Variants in CPLANE1 observed in about 807,000 individuals in gnomAD.
CPLANE1 encodes ciliogenesis and planar polarity effector 1.
Under a neutral mutation model 362.5 loss-of-function variants are expected in CPLANE1, and 263 were observed. That is an observed-to-expected ratio of 0.73 (90% CI 0.66 to 0.80). CPLANE1 has a LOEUF of 0.80. Among genes scored for constraint, CPLANE1 ranks in the 30% least tolerant of loss-of-function variants. The pLI is 0.00. For missense variants in CPLANE1, 3,461 were observed against 3,793.4 expected, an observed-to-expected ratio of 0.91 and a Z score of 2.30; for synonymous variants, 1,212 against 1,302.6, an observed-to-expected ratio of 0.93 and a Z score of 1.50.
the CPLANE1 span, among the ~76,000 whole-genome samples, chr5:37,087,604 C>A: frequency 1.3e-5 from 2 of 152,236 alleles, no homozygotes; most frequent in Admixed American, 1.3e-4. Flanking sequence ...CTACAGGCGC[C>A]CACCACCACG....
the CPLANE1 span, among the ~76,000 whole-genome samples, chr5:37,098,306 A>C: frequency 2.0e-5 from 3 of 149,488 alleles, no homozygotes; most frequent in African/African-American, 5.0e-5. Flanking sequence ...GCAGGGAATC[A>C]CATGAACCTG....
intron 51 of CPLANE1, 37 bp from the exon 52 acceptor site, chr5:37,108,508 G>T: frequency 6.5e-7 from 1 of 1,537,010 alleles, no homozygotes; most frequent in Non-Finnish European, 8.8e-7. Flanking sequence ...CATTGGGATT[G>T]ATTCATTCAT....
intron 15 of CPLANE1, among the ~76,000 whole-genome samples, chr5:37,218,564 C>T (rs1794671947): frequency 1.3e-5 from 2 of 152,160 alleles, no homozygotes; most frequent in African/African-American, 4.8e-5. Flanking sequence ...CTGAGTTTTC[C>T]TAGTGAACCA....
At chr5:37,227,443 T>C in intron 10 of CPLANE1, 51 bp from the exon 11 acceptor site, 1 of 1,499,478 alleles carries the variant, frequency 6.7e-7, no homozygotes, top group Non-Finnish European at 8.9e-7. Context: ...TATCTGTAAT[T>C]CTATTATAAG....
chr5:37,115,374 T>C (rs1379087585), intron 50 of CPLANE1, among the ~76,000 whole-genome samples: 2 of 152,168 alleles, frequency 1.3e-5, no homozygotes, highest in Non-Finnish European at 2.9e-5. Context: ...AGTAAACACC[T>C]AGACAAAATG....
chr5:37,081,208 A>G, the CPLANE1 span, among the ~76,000 whole-genome samples: 1 of 152,242 alleles, frequency 6.6e-6, no homozygotes, highest in Non-Finnish European at 1.5e-5. Flanking sequence ...CAGAGTCCAG[A>G]GAAAAAAGTC....
the CPLANE1 span, among the ~76,000 whole-genome samples, chr5:37,084,575 T>C: frequency 2.6e-5 from 4 of 151,848 alleles, no homozygotes; most frequent in African/African-American, 7.3e-5. Context: ...GTCAGGAGTT[T>C]GTGAGACCAG....
At chr5:37,101,253 T>C (rs1462516857), downstream of CPLANE1, among the ~76,000 whole-genome samples, 2 of 152,204 alleles carry the variant, frequency 1.3e-5, no homozygotes, top group Non-Finnish European at 2.9e-5. Context: ...TTGTCATATA[T>C]GGCTCTTATC....
At chr5:37,094,098 T>C in the CPLANE1 span, among the ~76,000 whole-genome samples, 3 of 152,200 alleles carry the variant, frequency 2.0e-5, no homozygotes, top group Non-Finnish European at 2.9e-5. Flanking sequence ...TCATTTAATG[T>C]GTACTGAATA....
intron 46 of CPLANE1, among the ~76,000 whole-genome samples, chr5:37,130,128 A>T (rs301868): frequency 2.6e-5 from 4 of 152,118 alleles, no homozygotes; most frequent in African/African-American, 7.2e-5. Flanking sequence ...CATTATCCTA[A>T]GTGAAATAAC....
At chr5:37,107,985 G>A (rs1046554787) in intron 52 of CPLANE1, among the ~76,000 whole-genome samples, 17 of 152,132 alleles carry the variant, frequency 1.1e-4, no homozygotes, top group African/African-American at 3.9e-4. Context: ...CTCACACAAC[G>A]AGATGCTGGC....
intron 38 of CPLANE1, among the ~76,000 whole-genome samples, chr5:37,159,097 T>C (rs1301951214): frequency 2.3e-5 from 2 of 88,766 alleles, no homozygotes; most frequent in Admixed American, 2.2e-4. Context: ...TCACATTCTT[T>C]TTTTTTTTTT....
chr5:37,238,487 CT>C lies in CPLANE1; in HGVS notation c.938+369del, dbSNP rs869153501. Among the ~76,000 whole-genome samples the C allele has an allele frequency of 9.9e-3, 796 of 80,616 alleles. 4 individuals are homozygous for C. Among genetic ancestry groups the C allele is most frequent in the African/African-American group, 0.038 (686 of 18,144 alleles). The allele number at this position is 80,616 out of a possible 152,430, so 52.9% of individuals were successfully genotyped here. A position where few individuals can be genotyped will look rare whatever the true frequency, so the allele number is the denominator to read the frequency against. On this transcript the variant is annotated intron_variant, in intron 8 of 52. Coordinates refer to ENST00000651892, the MANE Select transcript of CPLANE1 (RefSeq NM_001384732.1). ...CGTGAGCCACAGCGCCCAGCCTTTT[CT>C]TTTTTTTTTTTTTTTTTTTTTTTTG...
intron 15 of CPLANE1, among the ~76,000 whole-genome samples, chr5:37,220,026 G>A (rs528242943): frequency 3.1e-4 from 47 of 152,280 alleles, no homozygotes; most frequent in Admixed American, 7.2e-4. Context: ...GCCAAGGTGG[G>A]TGGATTGCTT....
At chr5:37,231,658 T>G (rs920980002) in intron 8 of CPLANE1, among the ~76,000 whole-genome samples, 7 of 152,192 alleles carry the variant, frequency 4.6e-5, no homozygotes, top group Non-Finnish European at 8.8e-5. Context: ...CTGATAGATT[T>G]CAAGGCCACA....
intron 41 of CPLANE1, among the ~76,000 whole-genome samples, chr5:37,154,458 T>C (rs1051714938): frequency 2.3e-5 from 3 of 132,308 alleles, no homozygotes; most frequent in Non-Finnish European, 4.7e-5. Context: ...TTGCAATAGT[T>C]CTTTTTTTTT....
At chr5:37,109,847 G>A (rs935606773) in intron 51 of CPLANE1, among the ~76,000 whole-genome samples, 2 of 152,042 alleles carry the variant, frequency 1.3e-5, no homozygotes, top group African/African-American at 4.8e-5. Context: ...AGTAGAGATG[G>A]GGTTTCACCA....
chr5:37,226,726 T>A lies in CPLANE1; in HGVS notation c.1869A>T (p.Leu623Phe), dbSNP rs1796545475. Residue 623 changes from leucine (L) to phenylalanine (F), a missense_variant, in exon 12 of 53, where the codon TTA (leucine) becomes TTT (phenylalanine). Physicochemically the swap from Leu to Phe is conservative, Grantham distance 22. This residue lies in a region of CPLANE1 where 3,380 missense variants were observed against 3,666.1 expected (regional missense o/e 0.92). Coordinates refer to ENST00000651892, the MANE Select transcript of CPLANE1 (RefSeq NM_001384732.1). The part of the protein sequence containing the change: ...KCPFPKLDLV[L>F]SKSSRHNAWI... ...ATGCATTATGTCTTGAGCTTTTGCT[T>A]AAAACAAGATCAAGTTTAGGAAAAG... 6.5e-7 allele frequency: 1 copy of A among 1,544,716 alleles called. No individual in the cohort carries two copies. Among genetic ancestry groups the A allele is most frequent in the East Asian group, 2.5e-5 (1 of 40,800 alleles).
At chr5:37,099,910 T>TCTC in the CPLANE1 span, among the ~76,000 whole-genome samples, 1 of 152,368 alleles carries the variant, frequency 6.6e-6, no homozygotes, top group East Asian at 1.9e-4. Context: ...TGCATGTGTG[T>TCTC]CTCCTTCTGA....
Sources: allele counts gnomAD v4.1 joint callset (sites outside exome capture counted in the v4.1 genomes callset), GRCh38; gene constraint gnomAD v4.1.1; regional missense constraint gnomAD v4.1.1; transcripts MANE v1.5; gene names NCBI Gene and HGNC (gene_info 2026-07-23, HGNC 2026-07-21).